Variants in TASP1 observed in about 807,000 individuals in gnomAD.
TASP1 encodes the protein taspase 1.
In TASP1, 16 loss-of-function variants were observed where a neutral mutation model predicts 56.6. The ratio of observed to expected loss-of-function variants is 0.28; its 90% CI spans 0.19 to 0.43. The LOEUF (loss-of-function observed/expected upper bound fraction) is 0.43. Ranked by LOEUF, TASP1 falls within the 20% of genes least tolerant of loss-of-function variation. The pLI is 1.00. For missense variants in TASP1, 393 were observed against 511.6 expected (o/e 0.77, Z 2.24); for synonymous variants, 179 against 184.2 (o/e 0.97, Z 0.23).
the TASP1 span, chr20:13,168,319 G>C: frequency 6.6e-6 from 1 of 152,142 alleles, no homozygotes; most frequent in Non-Finnish European, 1.5e-5. Context: ...GAGGAGCTGA[G>C]TTTACAGGCA....
the TASP1 span, among the ~76,000 whole-genome samples, chr20:13,353,788 T>C: frequency 6.6e-6 from 1 of 152,166 alleles, no homozygotes; most frequent in Admixed American, 6.5e-5. Context: ...CTCCCTTACA[T>C]ATAAAGCTTT....
intron 4 of TASP1, among the ~76,000 whole-genome samples, chr20:13,593,136 CCTTAA>C (rs1270328342): frequency 6.6e-6 from 1 of 152,088 alleles, no homozygotes; most frequent in Non-Finnish European, 1.5e-5. Context: ...AGGAGAATTT[CCTTAA>C]CTTAATTAAC....
At chr20:13,362,302 A>G in the TASP1 span, among the ~76,000 whole-genome samples, 6 of 151,984 alleles carry the variant, frequency 3.9e-5, no homozygotes, top group African/African-American at 1.5e-4. Context: ...ATATGCCCAG[A>G]TGGCCTGAAG....
At chr20:13,481,790 T>C (rs569425747) in intron 11 of TASP1, among the ~76,000 whole-genome samples, 2 of 152,292 alleles carry the variant, frequency 1.3e-5, no homozygotes, top group South Asian at 2.1e-4. Flanking sequence ...TCCTATAGGG[T>C]TGTTTGGGCT....
chr20:13,528,401 T>G (rs764775313), intron 10 of TASP1, 32 bp downstream of exon 10: 2 of 1,578,498 alleles, frequency 1.3e-6, no homozygotes, highest in African/African-American at 2.7e-5. Context: ...AAGGTTGAAG[T>G]TATGAGAAAT....
chr20:13,592,931 G>A (rs997583359), intron 4 of TASP1, among the ~76,000 whole-genome samples: 10 of 151,946 alleles, frequency 6.6e-5, no homozygotes, highest in African/African-American at 2.4e-4. Context: ...ATCTAATCCA[G>A]CAATATATAA....
At chr20:13,348,850 A>C in the TASP1 span, among the ~76,000 whole-genome samples, 1 of 152,046 alleles carries the variant, frequency 6.6e-6, no homozygotes, top group African/African-American at 2.4e-5. Context: ...CTTTATTCTT[A>C]TTCCTTAGTA....
chr20:13,475,619 G>C (rs1491003172), intron 11 of TASP1, among the ~76,000 whole-genome samples: 1 of 152,108 alleles, frequency 6.6e-6, no homozygotes, highest in Non-Finnish European at 1.5e-5. Context: ...GGTAGGCCAG[G>C]CATGGTGGCT....
intron 11 of TASP1, among the ~76,000 whole-genome samples, chr20:13,467,815 G>C (rs1208529756): frequency 6.6e-6 from 1 of 151,938 alleles, no homozygotes; most frequent in Non-Finnish European, 1.5e-5. Flanking sequence ...TCAGGAGTTC[G>C]AGACCAGTCT....
At chr20:13,203,266 T>C in the TASP1 span, among the ~76,000 whole-genome samples, 5 of 152,196 alleles carry the variant, frequency 3.3e-5, no homozygotes, top group Non-Finnish European at 7.3e-5. Context: ...AGTATTATTA[T>C]TCCCATGTTA....
At chr20:13,206,478 C>T in the TASP1 span, among the ~76,000 whole-genome samples, 3 of 152,188 alleles carry the variant, frequency 2.0e-5, no homozygotes, top group East Asian at 3.9e-4. Context: ...ACATAATAAA[C>T]ATTGATATCT....
At chr20:13,414,948 G>A (rs1387225485) in intron 13 of TASP1, among the ~76,000 whole-genome samples, 2 of 151,966 alleles carry the variant, frequency 1.3e-5, no homozygotes, top group African/African-American at 2.4e-5. Flanking sequence ...TTTAATTCAA[G>A]GCTTTAACTT....
chr20:13,525,846 T>C (rs1360884129), intron 10 of TASP1, among the ~76,000 whole-genome samples: 4 of 152,146 alleles, frequency 2.6e-5, no homozygotes, highest in Non-Finnish European at 4.4e-5. Flanking sequence ...CATCCCCAGG[T>C]TCTGTGGGCT....
chr20:13,213,613 A>C, the TASP1 span, among the ~76,000 whole-genome samples: 16 of 152,210 alleles, frequency 1.1e-4, no homozygotes. Context: ...AGGAAATTAG[A>C]TGAACTCATG....
chr20:13,263,629 A>G, the TASP1 span, among the ~76,000 whole-genome samples: 7 of 152,180 alleles, frequency 4.6e-5, no homozygotes, highest in African/African-American at 1.7e-4. Context: ...TCCAGACAAA[A>G]TCGATGCTCG....
chr20:13,251,946 A>G, the TASP1 span, among the ~76,000 whole-genome samples: 1 of 151,812 alleles, frequency 6.6e-6, no homozygotes, highest in East Asian at 1.9e-4. Context: ...AGTAAGTGAG[A>G]GAGTCCAAGC....
the TASP1 span, among the ~76,000 whole-genome samples, chr20:13,145,539 C>T: frequency 6.6e-6 from 1 of 152,116 alleles, no homozygotes; most frequent in African/African-American, 2.4e-5. Context: ...GAAGAATCAA[C>T]ATCATTAAAA....
chr20:13,179,967 A>G, the TASP1 span, among the ~76,000 whole-genome samples: 1 of 152,146 alleles, frequency 6.6e-6, no homozygotes, highest in South Asian at 2.1e-4. Flanking sequence ...TAGTCTATGG[A>G]CACAGCGTTG....
At chr20:13,187,120 T>C in the TASP1 span, among the ~76,000 whole-genome samples, 1 of 152,152 alleles carries the variant, frequency 6.6e-6, no homozygotes, top group Non-Finnish European at 1.5e-5. Context: ...GGAGATTTGA[T>C]GTGATTGAGA....
Sources: gnomAD v4.1 joint callset for allele counts (sites outside exome capture counted in the v4.1 genomes callset) on GRCh38, gnomAD v4.1.1 for gene constraint, MANE v1.5 for transcripts, NCBI Gene and HGNC (gene_info 2026-07-23, HGNC 2026-07-21) for gene names.